The following IL1RAPL1 variants were observed in gnomAD, a reference collection of about 807,000 sequenced individuals.
IL1RAPL1 encodes the protein interleukin-1 receptor accessory protein-like 1.
IL1RAPL1 carries 3 observed loss-of-function variants against 48.4 expected under a neutral mutation model. The observed-to-expected ratio is 0.06, with a 90% CI of 0.03 to 0.16. The LOEUF (loss-of-function observed/expected upper bound fraction) is 0.16. Among genes scored for constraint, IL1RAPL1 ranks in the 10% least tolerant of loss-of-function variants. The pLI is 1.00. For missense variants in IL1RAPL1, 349 were observed against 530.6 expected, an observed-to-expected ratio of 0.66 and a Z score of 3.36; for synonymous variants, 185 against 187.7, an observed-to-expected ratio of 0.99 and a Z score of 0.12.
At chrX:29,427,953 C>A (rs1934369800) in intron 5 of IL1RAPL1, among the ~76,000 whole-genome samples, 1 of 111,895 alleles carries the variant, frequency 8.9e-6, no homozygotes, top group Non-Finnish European at 1.9e-5. Flanking sequence ...TAAATTTAAA[C>A]TGTAAACTAA....
intron 1 of IL1RAPL1, among the ~76,000 whole-genome samples, chrX:28,771,286 T>A (rs1273332497): frequency 8.9e-6 from 1 of 112,276 alleles, no homozygotes; most frequent in African/African-American, 3.2e-5. Flanking sequence ...TTCTCTGTGT[T>A]ACTTAATTAG....
At chrX:28,780,327 GTGTGTA>G (rs202227257) in intron 1 of IL1RAPL1, among the ~76,000 whole-genome samples, 34 of 77,358 alleles carry the variant, frequency 4.4e-4, no homozygotes, top group South Asian at 2.1e-3. Flanking sequence ...CACAGTGTGT[GTGTGTA>G]TGTGTGTGTG....
chrX:28,931,699 A>G (rs183698350), intron 2 of IL1RAPL1, among the ~76,000 whole-genome samples: 5 of 111,952 alleles, frequency 4.5e-5, no homozygotes, highest in Admixed American at 3.8e-4. Flanking sequence ...ATAAAAATAA[A>G]TAATAGCCAT....
At chrX:29,536,765 AAT>A (rs768007262) in intron 5 of IL1RAPL1, among the ~76,000 whole-genome samples, 1,123 of 107,465 alleles carry the variant, frequency 0.01, 5 homozygotes, top group Middle Eastern at 0.02. Context: ...CTGATCTTTA[AAT>A]ATATATATAT....
At chrX:28,870,613 A>T (rs969644011) in intron 2 of IL1RAPL1, among the ~76,000 whole-genome samples, 35 of 111,627 alleles carry the variant, frequency 3.1e-4, no homozygotes, top group Non-Finnish European at 9.4e-5. Flanking sequence ...GATTCCTAAC[A>T]TTCTATTAAT....
chrX:28,927,069 AT>A (rs1385849075), intron 2 of IL1RAPL1, among the ~76,000 whole-genome samples: 1 of 110,007 alleles, frequency 9.1e-6, no homozygotes, highest in Non-Finnish European at 1.9e-5. Flanking sequence ...TAATTTTTAA[AT>A]TTTTTTGCAG....
intron 6 of IL1RAPL1, among the ~76,000 whole-genome samples, chrX:29,783,796 T>C (rs1929423586): frequency 8.9e-6 from 1 of 112,325 alleles, no homozygotes; most frequent in South Asian, 3.7e-4. Context: ...TCTCATGCTG[T>C]ATATGCACAC....
intron 2 of IL1RAPL1, among the ~76,000 whole-genome samples, chrX:28,826,840 A>G (rs368563880): frequency 1.8e-5 from 2 of 110,386 alleles, no homozygotes; most frequent in African/African-American, 3.3e-5. Context: ...AGCACTGGAG[A>G]CAAGCTTCCC....
At chrX:29,407,367 G>A (rs761585739) in intron 5 of IL1RAPL1, among the ~76,000 whole-genome samples, 4 of 112,099 alleles carry the variant, frequency 3.6e-5, no homozygotes, top group African/African-American at 1.3e-4. Flanking sequence ...GTTTTGAAAC[G>A]TATAAATTAG....
At chrX:29,057,110 T>G (rs1310187825) in intron 2 of IL1RAPL1, among the ~76,000 whole-genome samples, 1 of 112,128 alleles carries the variant, frequency 8.9e-6, no homozygotes, top group Non-Finnish European at 1.9e-5. Context: ...ATTTTATTTC[T>G]TGGTTATTAT....
intron 5 of IL1RAPL1, among the ~76,000 whole-genome samples, chrX:29,498,412 C>T (rs1680168541): frequency 8.9e-6 from 1 of 111,888 alleles, no homozygotes; most frequent in South Asian, 3.7e-4. Flanking sequence ...TTGCCCTCTT[C>T]ATTGTCTCTT....
At chrX:28,766,950 G>A (rs555885395) in intron 1 of IL1RAPL1, among the ~76,000 whole-genome samples, 16 of 110,979 alleles carry the variant, frequency 1.4e-4, no homozygotes, top group East Asian at 1.1e-3. Context: ...GTTGATGGAC[G>A]CTTCAGTTGC....
At chrX:28,838,030 A>G (rs762780745) in intron 2 of IL1RAPL1, among the ~76,000 whole-genome samples, 1 of 109,564 alleles carries the variant, frequency 9.1e-6, no homozygotes, top group African/African-American at 3.3e-5. Flanking sequence ...TTGAGTGTTC[A>G]TGGATTCATG....
chrX:28,716,512 A>G (rs1935506166), intron 1 of IL1RAPL1, among the ~76,000 whole-genome samples: 1 of 111,882 alleles, frequency 8.9e-6, no homozygotes, highest in African/African-American at 3.2e-5. Flanking sequence ...CTTACACCAT[A>G]TACAAAATTT....
chrX:28,975,077 C>A (rs898795389), intron 2 of IL1RAPL1, among the ~76,000 whole-genome samples: 1 of 111,907 alleles, frequency 8.9e-6, no homozygotes, highest in African/African-American at 3.2e-5. Context: ...TGTCCCTACT[C>A]CTAAAATTTT....
intron 5 of IL1RAPL1, among the ~76,000 whole-genome samples, chrX:29,577,799 A>G (rs1173080313): frequency 8.9e-6 from 1 of 111,810 alleles, no homozygotes; most frequent in Non-Finnish European, 1.9e-5. Flanking sequence ...CTATAACCTG[A>G]TATGATTTTT....
rs58976653 is a variant in IL1RAPL1, at chrX:29,690,651, A to G, written c.778+22147A>G. 6.3e-3 allele frequency among the ~76,000 whole-genome samples: 711 copies of G among 112,247 alleles called. 8 individuals are homozygous for G. Among genetic ancestry groups the G allele is most frequent in the African/African-American group, 0.022 (681 of 30,998 alleles). ...GTATCCTGAAAACAAAAGTATTTCT[A>G]TGAGTTTTACTGTAATCCTATTATC... is the stretch of plus-strand genomic sequence containing the variant. On this transcript the variant is annotated intron_variant, in intron 6 of 10. Transcript: ENST00000378993.
At chrX:28,921,636 G>A (rs138840384) in intron 2 of IL1RAPL1, among the ~76,000 whole-genome samples, 1,863 of 111,740 alleles carry the variant, frequency 0.017, 7 homozygotes, top group Middle Eastern at 0.065. Flanking sequence ...GAAGCAGGTT[G>A]GGGGAAAGAG....
At chrX:29,562,702 G>A (rs1240188327) in intron 5 of IL1RAPL1, among the ~76,000 whole-genome samples, 52 of 111,938 alleles carry the variant, frequency 4.6e-4, no homozygotes, top group African/African-American at 1.4e-3. Flanking sequence ...AAATTAGAGA[G>A]TTAAATTGAC....
Sources: allele counts gnomAD v4.1 joint callset (sites outside exome capture counted in the v4.1 genomes callset), GRCh38; gene constraint gnomAD v4.1.1; transcripts MANE v1.5; gene names NCBI Gene and HGNC (gene_info 2026-07-23, HGNC 2026-07-21).